Variants in TRPS1 observed in about 807,000 individuals in gnomAD.
TRPS1 encodes the protein transcriptional repressor GATA binding 1, also known as zinc finger transcription factor Trps1.
A neutral mutation model predicts 101.2 loss-of-function variants in TRPS1; 6 were observed. The ratio of observed to expected loss-of-function variants is 0.06; its 90% confidence interval spans 0.03 to 0.12. The LOEUF is 0.12. Ranked by LOEUF, TRPS1 falls within the 10% of genes least tolerant of loss-of-function variation. The probability of loss-of-function intolerance (pLI) is 1.00; values close to 1 mark genes in which losing one functional copy is unlikely to be tolerated. For missense variants in TRPS1, 1,363 were observed against 1,567.0 expected (o/e 0.87, Z 2.20); for synonymous variants, 578 against 589.8 (o/e 0.98, Z 0.29).
chr8:115,479,539 A>ACAAAG (rs1814698323), intron 5 of TRPS1, among the ~76,000 whole-genome samples: 2 of 152,108 alleles, frequency 1.3e-5, no homozygotes, highest in South Asian at 4.1e-4. Context: ...ACCAAACAAA[A>ACAAAG]CAAAGCAAAA....
Position 115,412,323 on chromosome 8 carries a change from GCA to G in TRPS1, c.*1698_*1699del, listed in dbSNP as rs140046364. On this transcript the variant is annotated 3_prime_UTR_variant, in exon 7 of 7. Transcript: ENST00000395715. ...TCATGTTACCGTTTACAACTTTAAT[GCA>G]CACACACACACACAAAAGGATATCT... The G allele has an allele frequency of 4.0e-5, 6 of 150,772 alleles. No homozygotes were observed. Among genetic ancestry groups the G allele is most frequent in the Non-Finnish European group, 4.4e-5 (3 of 67,460 alleles). 9.3% of individuals were successfully genotyped at this position (150,772 alleles called of 1,614,324 possible). A position where few individuals can be genotyped will look rare whatever the true frequency, so the allele number is the denominator to read the frequency against.
At chr8:115,622,611 C>G (rs1310817407) in intron 2 of TRPS1, among the ~76,000 whole-genome samples, 2 of 152,124 alleles carry the variant, frequency 1.3e-5, no homozygotes, top group South Asian at 2.1e-4. Flanking sequence ...CTAACTATTA[C>G]AATATAATCT....
At chr8:115,520,635 T>C (rs1815835463) in intron 5 of TRPS1, among the ~76,000 whole-genome samples, 1 of 151,852 alleles carries the variant, frequency 6.6e-6, no homozygotes, top group Non-Finnish European at 1.5e-5. Context: ...TAATATACAC[T>C]AGGGACTGTT....
chr8:115,646,191 GT>G (rs1819021447), intron 1 of TRPS1, among the ~76,000 whole-genome samples: 1 of 152,100 alleles, frequency 6.6e-6, no homozygotes, highest in Non-Finnish European at 1.5e-5. Context: ...TGTTTTACAT[GT>G]TTTATCTAAA....
chr8:115,537,235 A>G (rs1388236074), intron 5 of TRPS1, among the ~76,000 whole-genome samples: 1 of 152,150 alleles, frequency 6.6e-6, no homozygotes, highest in Non-Finnish European at 1.5e-5. Flanking sequence ...TTTTCTTTTT[A>G]TAAAATAATT....
At chr8:115,612,932 C>T (rs1267534308) in intron 3 of TRPS1, among the ~76,000 whole-genome samples, 1 of 152,118 alleles carries the variant, frequency 6.6e-6, no homozygotes, top group Non-Finnish European at 1.5e-5. Flanking sequence ...GAGGATAAAA[C>T]CTTAATTACA....
chr8:115,587,145 C>T lies in TRPS1; in HGVS notation c.2556G>A (p.Ala852=), dbSNP rs1289575237. 2.5e-6 allele frequency: 4 copies of T among 1,614,028 alleles called. No individual in the cohort carries two copies. The highest frequency in any genetic ancestry group is 1.6e-4 in the Middle Eastern group (1 of 6,084). ...CCACAGCCAAGCCATAAATAGGTCG[C>T]GCCAGATGGGCGGCCTCCACATTGG... ...DSPNVEAAHL[A]RPIYGLAVET... The change falls in exon 5 of 7, where the codon GCG becomes GCA. Residue 852 remains alanine (A), a synonymous_variant. Transcript: ENST00000395715.
chr8:115,533,456 TTTTC>T lies in TRPS1; in HGVS notation c.2700+53541_2700+53544del, dbSNP rs1473261812. On this transcript the variant is annotated intron_variant, in intron 5 of 6. Coordinates refer to ENST00000395715, the MANE Select transcript of TRPS1 (RefSeq NM_014112.5). ...AATCTGTTTTTTTTTTTTTTTTTTT[TTTTC>T]CTGAAAAAAATCATGAGTGAGTTAA... Among the ~76,000 whole-genome samples, 91 of 134,770 alleles carry T rather than the reference TTTTC, an allele frequency of 6.8e-4. 2 individuals are homozygous for T. The highest frequency in any genetic ancestry group is 1.0e-3 in the Admixed American group (14 of 13,756). The allele number at this position is 134,770 out of a possible 152,430, so 88.4% of individuals were successfully genotyped here. A position where few individuals can be genotyped will look rare whatever the true frequency, so the allele number is the denominator to read the frequency against.
chr8:115,648,389 C>A (rs1304277311), intron 1 of TRPS1, among the ~76,000 whole-genome samples: 1 of 152,174 alleles, frequency 6.6e-6, no homozygotes, highest in Non-Finnish European at 1.5e-5. Context: ...GGACTTCCTG[C>A]GATAACACGC....
At chr8:115,598,461 T>C (rs1304133124) in intron 4 of TRPS1, among the ~76,000 whole-genome samples, 6 of 152,066 alleles carry the variant, frequency 3.9e-5, no homozygotes, top group Non-Finnish European at 8.8e-5. Flanking sequence ...TAATCACCAC[T>C]ATACTCAGAT....
At chr8:115,634,912 T>A (rs977383181) in intron 1 of TRPS1, among the ~76,000 whole-genome samples, 1 of 151,438 alleles carries the variant, frequency 6.6e-6, no homozygotes, top group Non-Finnish European at 1.5e-5. Flanking sequence ...CAGGTTGTTG[T>A]AGGTCCCAAA....
intron 5 of TRPS1, among the ~76,000 whole-genome samples, chr8:115,565,386 G>A (rs192992436): frequency 6.6e-6 from 1 of 152,182 alleles, no homozygotes; most frequent in African/African-American, 2.4e-5. Flanking sequence ...AAAAGAGGTG[G>A]AGGAACATCT....
intron 5 of TRPS1, among the ~76,000 whole-genome samples, chr8:115,433,423 G>C (rs1813371123): frequency 6.6e-6 from 1 of 151,962 alleles, no homozygotes; most frequent in South Asian, 2.1e-4. Flanking sequence ...ATAATATTTA[G>C]TATTGCAACT....
At chr8:115,588,359 C>A (rs1817613718) in intron 4 of TRPS1, among the ~76,000 whole-genome samples, 1 of 152,014 alleles carries the variant, frequency 6.6e-6, no homozygotes, top group Non-Finnish European at 1.5e-5. Context: ...AAATTCTATC[C>A]ATCTATGAGA....
At chr8:115,603,704 G>A (rs1817959457) in intron 4 of TRPS1, among the ~76,000 whole-genome samples, 169 bp downstream of exon 4, 2 of 152,166 alleles carry the variant, frequency 1.3e-5, no homozygotes. Context: ...GATCACAGCT[G>A]TAACTATATC....
intron 5 of TRPS1, among the ~76,000 whole-genome samples, chr8:115,568,905 G>A (rs938860145): frequency 6.6e-6 from 1 of 152,046 alleles, no homozygotes; most frequent in Non-Finnish European, 1.5e-5. Flanking sequence ...ATTGGCAGAT[G>A]GTTAGCCAAG....
At position 115,587,501 on chromosome 8, in the gene TRPS1, T is replaced by C. The variant is rs1425686631; in HGVS notation, c.2200A>G (p.Ile734Val). ...TCCTCTTCGCCGTTGGCTGTAGTGA[T>C]GTCCTGTTCCTGGCAGTGAACAGTG... ...FNTVHCQEQDITTANGEEDGH... is the reference protein window; with the variant it reads ...FNTVHCQEQDVTTANGEEDGH... Residue 734 changes from isoleucine (I) to valine (V), a missense_variant, in exon 5 of 7, where the codon ATC becomes GTC. Physicochemically the swap from Ile to Val is conservative, Grantham distance 29. Coordinates refer to ENST00000395715, the MANE Select transcript of TRPS1 (RefSeq NM_014112.5). 2.5e-6 allele frequency: 4 copies of C among 1,614,070 alleles called. No individual in the cohort carries two copies. The highest frequency in any genetic ancestry group is 2.2e-5 in the East Asian group (1 of 44,884).
At chr8:115,586,376 T>A (rs1190228478) in intron 5 of TRPS1, among the ~76,000 whole-genome samples, 2 of 152,188 alleles carry the variant, frequency 1.3e-5, no homozygotes, top group African/African-American at 4.8e-5. Flanking sequence ...TCTTTCCCCC[T>A]AAAAGATCCT....
At chr8:115,557,877 C>T (rs1816860507) in intron 5 of TRPS1, among the ~76,000 whole-genome samples, 1 of 152,152 alleles carries the variant, frequency 6.6e-6, no homozygotes, top group African/African-American at 2.4e-5. Context: ...TGTCTTCCAT[C>T]TCAGAGTTAG....
Sources: allele counts gnomAD v4.1 joint callset (sites outside exome capture counted in the v4.1 genomes callset), GRCh38; gene constraint gnomAD v4.1.1; transcripts MANE v1.5; gene names NCBI Gene and HGNC (gene_info 2026-07-23, HGNC 2026-07-21).